Variants in TMEM132D observed in about 807,000 individuals in gnomAD.
TMEM132D encodes transmembrane protein 132D.
TMEM132D carries 21 observed loss-of-function variants against 62.3 expected under a neutral mutation model. The observed-to-expected ratio is 0.34, with a 90% CI of 0.24 to 0.49. The LOEUF is 0.49. Ranked by LOEUF, TMEM132D falls within the 20% of genes least tolerant of loss-of-function variation. The probability of loss-of-function intolerance (pLI) is 0.99; values close to 1 mark genes in which losing one functional copy is unlikely to be tolerated. For synonymous variants in TMEM132D, 621 were observed against 575.6 expected, an observed-to-expected ratio of 1.08 and a Z score of -1.13; for missense variants, 1,346 against 1,402.8, an observed-to-expected ratio of 0.96 and a Z score of 0.65.
chr12:129,655,903 A>G (rs1281809256), intron 2 of TMEM132D, among the ~76,000 whole-genome samples: 33 of 152,192 alleles, frequency 2.2e-4, no homozygotes. Flanking sequence ...CCCTCGGGTT[A>G]CAGACAAAAA....
chr12:129,410,708 TG>T (rs1323782501), intron 3 of TMEM132D, among the ~76,000 whole-genome samples: 1 of 152,188 alleles, frequency 6.6e-6, no homozygotes, highest in East Asian at 1.9e-4. Context: ...AAAAAAAATT[TG>T]ATGTTAATTT....
intron 3 of TMEM132D, among the ~76,000 whole-genome samples, chr12:129,442,957 C>T (rs886570476): frequency 2.0e-5 from 3 of 152,106 alleles, no homozygotes; most frequent in Non-Finnish European, 4.4e-5. Context: ...GACAGCATAC[C>T]TCGCCCAAGA....
intron 5 of TMEM132D, among the ~76,000 whole-genome samples, chr12:129,151,224 A>T (rs1593277847): frequency 1.3e-5 from 2 of 152,170 alleles, no homozygotes; most frequent in East Asian, 3.8e-4. Flanking sequence ...AGCGATCCAG[A>T]GGTGTTAATA....
At chr12:129,841,265 G>A (rs1019621339) in intron 1 of TMEM132D, among the ~76,000 whole-genome samples, 1 of 150,732 alleles carries the variant, frequency 6.6e-6, no homozygotes, top group Non-Finnish European at 1.5e-5. Flanking sequence ...TCAAAAGGAA[G>A]AAAGAAAAGA....
Position 129,105,766 on chromosome 12 carries a change from G to A in TMEM132D, c.1444-21064C>T, listed in dbSNP as rs1330207462. On this transcript the variant is annotated intron_variant, in intron 5 of 8. Coordinates refer to ENST00000422113, the MANE Select transcript of TMEM132D (RefSeq NM_133448.3). ...GGCAATCATTAAAAAGTCAGGAAAC[G>A]ACAGGTGCTGGAGAGGATGTGGAGA... is the stretch of plus-strand genomic sequence containing the variant. 8.6e-5 allele frequency among the ~76,000 whole-genome samples: 13 copies of A among 151,394 alleles called. 1 individual carries two copies. The highest frequency in any genetic ancestry group is 1.7e-4 in the African/African-American group (7 of 40,766).
intron 3 of TMEM132D, among the ~76,000 whole-genome samples, chr12:129,417,055 G>A (rs890673595): frequency 6.6e-6 from 1 of 152,078 alleles, no homozygotes; most frequent in African/African-American, 2.4e-5. Context: ...GAATGATGCT[G>A]GCTTCATAAA....
At chr12:129,786,400 C>T (rs982186848) in intron 1 of TMEM132D, among the ~76,000 whole-genome samples, 4 of 152,068 alleles carry the variant, frequency 2.6e-5, no homozygotes, top group Admixed American at 6.6e-5. Context: ...GGTAACACCT[C>T]GTGGCGAAAA....
chr12:129,801,431 G>C (rs1397558931), intron 1 of TMEM132D, among the ~76,000 whole-genome samples: 3 of 151,600 alleles, frequency 2.0e-5, no homozygotes, highest in Admixed American at 1.3e-4. Flanking sequence ...GGGGCACACT[G>C]ACACCTCACA....
intron 3 of TMEM132D, among the ~76,000 whole-genome samples, chr12:129,401,327 G>A (rs527710111): frequency 6.6e-6 from 1 of 152,322 alleles, no homozygotes; most frequent in African/African-American, 2.4e-5. Flanking sequence ...AACACATGAA[G>A]AGGCCAAGGC....
At chr12:129,283,204 C>T (rs1213262089) in intron 4 of TMEM132D, among the ~76,000 whole-genome samples, 1 of 152,214 alleles carries the variant, frequency 6.6e-6, no homozygotes, top group Non-Finnish European at 1.5e-5. Flanking sequence ...TGGCTCTGGG[C>T]ATTCAGCAGT....
chr12:129,292,611 C>A (rs996005475), intron 4 of TMEM132D, among the ~76,000 whole-genome samples: 3 of 152,130 alleles, frequency 2.0e-5, no homozygotes, highest in African/African-American at 7.2e-5. Context: ...ATCCTGCCAC[C>A]TATTATTGTT....
At chr12:129,364,773 C>T (rs1042971654) in intron 3 of TMEM132D, among the ~76,000 whole-genome samples, 12 of 152,262 alleles carry the variant, frequency 7.9e-5, no homozygotes, top group South Asian at 2.1e-4. Flanking sequence ...TGACCACAAT[C>T]GGAAAGGTCT....
At chr12:129,311,861 C>A (rs1287642749) in intron 4 of TMEM132D, among the ~76,000 whole-genome samples, 4 of 152,040 alleles carry the variant, frequency 2.6e-5, no homozygotes, top group African/African-American at 4.8e-5. Context: ...CTAGGGCTCA[C>A]CAGCAAAGGA....
At position 129,451,059 on chromosome 12, in the gene TMEM132D, G is replaced by A. The variant is rs557924251; in HGVS notation, c.1115+80000C>T. Among the ~76,000 whole-genome samples, 451 of 152,192 alleles carry A rather than the reference G, an allele frequency of 3.0e-3. 3 individuals are homozygous for A. The highest frequency in any genetic ancestry group is 0.011 in the African/African-American group (436 of 41,514). ...TTACAGGCGTGAGCCACCGCGCCCG[G>A]CCAATTTTCATCACTTCTTATGAGG... On this transcript the variant is annotated intron_variant, in intron 3 of 8. Transcript: ENST00000422113.
At chr12:129,274,625 G>T (rs762923518) in intron 4 of TMEM132D, among the ~76,000 whole-genome samples, 21 of 152,176 alleles carry the variant, frequency 1.4e-4, no homozygotes, top group Non-Finnish European at 2.5e-4. Context: ...AGTGGTTCAC[G>T]CCTGTAATCC....
intron 1 of TMEM132D, among the ~76,000 whole-genome samples, chr12:129,883,298 G>C (rs1287523406): frequency 6.6e-6 from 1 of 152,054 alleles, no homozygotes; most frequent in Non-Finnish European, 1.5e-5. Context: ...CAAAAATCTG[G>C]AAGACCAGTA....
intron 2 of TMEM132D, among the ~76,000 whole-genome samples, chr12:129,594,786 C>G (rs1878289607): frequency 6.6e-6 from 1 of 152,176 alleles, no homozygotes; most frequent in Admixed American, 6.5e-5. Flanking sequence ...GACTCCCCCT[C>G]CCCTCTCTAA....
chr12:129,665,371 C>T (rs183317575), intron 2 of TMEM132D, among the ~76,000 whole-genome samples: 142 of 152,164 alleles, frequency 9.3e-4, no homozygotes, highest in African/African-American at 3.3e-3. Flanking sequence ...ATTTTCAGAG[C>T]GATGCAAGCA....
intron 5 of TMEM132D, among the ~76,000 whole-genome samples, chr12:129,147,261 T>TATGTGCATATGTGTATATATATAC (rs1876931481): frequency 7.0e-6 from 1 of 142,386 alleles, no homozygotes; most frequent in Admixed American, 7.2e-5. Flanking sequence ...TATATATACA[T>TATGTGCATATGTGTATATATATAC]ATGTGCATAT....
Sources: allele counts gnomAD v4.1 joint callset (sites outside exome capture counted in the v4.1 genomes callset), GRCh38; gene constraint gnomAD v4.1.1; transcripts MANE v1.5; gene names NCBI Gene and HGNC (gene_info 2026-07-23, HGNC 2026-07-21).